Variants in TOPAZ1 observed in about 807,000 individuals in gnomAD.
The protein encoded by TOPAZ1 is testis and ovary specific TOPAZ 1, also known as protein TOPAZ1.
Under a neutral mutation model 172.2 loss-of-function variants are expected in TOPAZ1, and 66 were observed. The observed-to-expected ratio is 0.38, with a 90% CI of 0.31 to 0.47. TOPAZ1 has a LOEUF of 0.47. Ranked by LOEUF, TOPAZ1 falls within the 20% of genes least tolerant of loss-of-function variation. The pLI, the probability that TOPAZ1 is intolerant of heterozygous loss-of-function variation, is 0.99. For synonymous variants in TOPAZ1, 681 were observed against 683.9 expected, an observed-to-expected ratio of 1.00 and a Z score of 0.07; for missense variants, 1,822 against 1,972.4, an observed-to-expected ratio of 0.92 and a Z score of 1.44.
At chr3:44,289,555 A>G (rs538493436) in intron 11 of TOPAZ1, among the ~76,000 whole-genome samples, 2 of 152,306 alleles carry the variant, frequency 1.3e-5, no homozygotes, top group South Asian at 4.1e-4. Flanking sequence ...TCTAGGACCC[A>G]TTCAAAAGGG....
rs1455980786 is a variant in TOPAZ1, at chr3:44,306,351, A to C, written c.4065A>C (p.Lys1355Asn). ...ETVSKDPQNS[K>N]VDKGVLGRIG... is the part of the protein sequence containing the mutation. The stretch of plus-strand genomic sequence containing the variant: ...TTAGCAAAGATCCACAAAACAGTAA[A>C]GTAGATAAAGGTGTACTGGGAAGAA... The change falls in exon 15 of 20, where the codon AAA becomes AAC. Residue 1355 changes from lysine to asparagine, a missense_variant. By Grantham distance (94) the Lys-to-Asn change is moderately conservative (BLOSUM62 0). This residue lies in a region of TOPAZ1 where 333 missense variants were observed against 481.7 expected (regional missense o/e 0.69). Coordinates refer to ENST00000309765, the MANE Select transcript of TOPAZ1 (RefSeq NM_001145030.2). The C allele has an allele frequency of 5.8e-6, 9 of 1,547,252 alleles. No individual in the cohort carries two copies. In the Admixed American group the frequency reaches 1.8e-4, roughly 30 times the overall value.
chr3:44,310,358 G>A (rs765237560), intron 16 of TOPAZ1, among the ~76,000 whole-genome samples: 2 of 152,108 alleles, frequency 1.3e-5, no homozygotes, highest in Non-Finnish European at 2.9e-5. Context: ...AATTAGCCAG[G>A]CATGGTGGTG....
chr3:44,247,232 T>C (rs751787077), intron 2 of TOPAZ1, among the ~76,000 whole-genome samples: 1 of 152,178 alleles, frequency 6.6e-6, no homozygotes, highest in Non-Finnish European at 1.5e-5. Context: ...GTAAAAATGC[T>C]AAAGAAAATT....
At chr3:44,251,722 A>C (rs1699633851) in intron 2 of TOPAZ1, among the ~76,000 whole-genome samples, 1 of 152,176 alleles carries the variant, frequency 6.6e-6, no homozygotes, top group South Asian at 2.1e-4. Flanking sequence ...AGCTTGAGGT[A>C]ATCTGTATGG....
chr3:44,321,388 C>A (rs189147598), intron 17 of TOPAZ1, among the ~76,000 whole-genome samples, 197 bp downstream of exon 17: 3 of 152,116 alleles, frequency 2.0e-5, no homozygotes, highest in Non-Finnish European at 2.9e-5. Flanking sequence ...AGATGCTTAT[C>A]TTTGGGTTGT....
chr3:44,303,479 CTTTTTT>C (rs34565826), intron 12 of TOPAZ1, among the ~76,000 whole-genome samples: 2 of 109,944 alleles, frequency 1.8e-5, no homozygotes, highest in African/African-American at 3.5e-5. Context: ...TGCTTGCTTG[CTTTTTT>C]TTTTTTTTTT....
At chr3:44,292,714 G>C (rs1272868618) in intron 12 of TOPAZ1, among the ~76,000 whole-genome samples, 1 of 152,154 alleles carries the variant, frequency 6.6e-6, no homozygotes, top group Non-Finnish European at 1.5e-5. Flanking sequence ...AACGATACAT[G>C]TATACGATGT....
chr3:44,251,146 G>T (rs564696439), intron 2 of TOPAZ1, among the ~76,000 whole-genome samples: 219 of 152,040 alleles, frequency 1.4e-3, no homozygotes, highest in African/African-American at 5.1e-3. Flanking sequence ...AGAGAGAAAG[G>T]GTCTTGCTTT....
At chr3:44,260,435 T>G (rs1309512433) in intron 4 of TOPAZ1, among the ~76,000 whole-genome samples, 1 of 152,154 alleles carries the variant, frequency 6.6e-6, no homozygotes, top group Non-Finnish European at 1.5e-5. Context: ...CAGTTTTCTT[T>G]TATAATAGGA....
chr3:44,257,051 G>A (rs918500225), intron 4 of TOPAZ1, among the ~76,000 whole-genome samples: 2 of 151,994 alleles, frequency 1.3e-5, no homozygotes, highest in African/African-American at 2.4e-5. Context: ...TCAATATGCC[G>A]GGTGCAGTGA....
At chr3:44,293,370 T>C (rs187301169) in intron 12 of TOPAZ1, among the ~76,000 whole-genome samples, 117 of 152,310 alleles carry the variant, frequency 7.7e-4, no homozygotes, top group Non-Finnish European at 1.4e-3. Context: ...GTAGGCATTA[T>C]TGTCATAGGA....
chr3:44,261,102 AAGAG>A (rs1398103094), intron 4 of TOPAZ1, among the ~76,000 whole-genome samples: 1 of 152,112 alleles, frequency 6.6e-6, no homozygotes, highest in Non-Finnish European at 1.5e-5. Context: ...TATTTTTTTA[AAGAG>A]TGCTTTAAAC....
intron 18 of TOPAZ1, among the ~76,000 whole-genome samples, chr3:44,327,430 A>T (rs1700612286): frequency 6.6e-6 from 1 of 152,230 alleles, no homozygotes; most frequent in Admixed American, 6.5e-5. Context: ...ATAAGCACCT[A>T]AACAATTTAA....
chr3:44,281,368 T>C (rs1387291461), intron 8 of TOPAZ1, among the ~76,000 whole-genome samples: 2 of 152,226 alleles, frequency 1.3e-5, no homozygotes, highest in African/African-American at 4.8e-5. Flanking sequence ...TTTCACCCTC[T>C]TAAAAGTATC....
At position 44,243,996 on chromosome 3, in the gene TOPAZ1, A is replaced by G. The variant is rs1310259843; in HGVS notation, c.1490A>G (p.Tyr497Cys). Residue 497 changes from tyrosine to cysteine, a missense_variant, in exon 2 of 20, where the codon TAT becomes TGT. Physicochemically the swap from Tyr to Cys is radical, Grantham distance 194 (BLOSUM62 -2). Around this residue, in one of 2 missense-constraint regions of TOPAZ1, gnomAD observed 1,489 missense variants for 1,490.8 expected, o/e 1.00. Transcript: ENST00000309765. Reference protein sequence around the residue: ...PMTGKRTWPYYSCARISAWCW... With the variant: ...PMTGKRTWPYCSCARISAWCW... ...ACTGGTAAAAGAACTTGGCCCTATT[A>G]TTCATGTGCTAGAATATCTGCCTGG... 48 of 1,552,254 alleles carry G rather than the reference A, an allele frequency of 3.1e-5. No individual in the cohort carries two copies. Among genetic ancestry groups the G allele is most frequent in the Non-Finnish European group, 4.2e-5 (48 of 1,147,078 alleles).
At chr3:44,309,741 T>C (rs1194826976) in intron 15 of TOPAZ1, 84 bp from the exon 16 acceptor site, 84 of 1,002,510 alleles carry the variant, frequency 8.4e-5, no homozygotes, top group Middle Eastern at 3.2e-4. Context: ...TCAAACTGGA[T>C]ACTTGGCTTG....
intron 7 of TOPAZ1, 142 bp downstream of exon 7, chr3:44,269,443 G>T (rs1699869167): frequency 1.2e-5 from 3 of 249,692 alleles, no homozygotes; most frequent in Admixed American, 6.3e-5. Flanking sequence ...CCAATACTTT[G>T]GACCTTTTGA....
At chr3:44,281,517 C>G (rs1158885448) in intron 8 of TOPAZ1, among the ~76,000 whole-genome samples, 1 of 152,118 alleles carries the variant, frequency 6.6e-6, no homozygotes, top group Non-Finnish European at 1.5e-5. Flanking sequence ...GTTTGTTTTA[C>G]CTTTTGCAGA....
At chr3:44,304,122 GA>G in intron 13 of TOPAZ1, 41 bp downstream of exon 13, 1 of 1,192,984 alleles carries the variant, frequency 8.4e-7, no homozygotes, top group Non-Finnish European at 1.2e-6. Context: ...TGGGATCTCT[GA>G]AAATCAATAG....
Sources: gnomAD v4.1 joint callset for allele counts (sites outside exome capture counted in the v4.1 genomes callset) on GRCh38, gnomAD v4.1.1 for gene constraint, gnomAD v4.1.1 regional missense constraint, MANE v1.5 for transcripts, NCBI Gene and HGNC (gene_info 2026-07-23, HGNC 2026-07-21) for gene names.